OTOG: variants seen among roughly 807,000 people sequenced by gnomAD.
The protein encoded by OTOG is otogelin.
OTOG carries 296 observed loss-of-function variants against 313.8 expected under a neutral mutation model. That is an observed-to-expected ratio of 0.94 (90% CI 0.86 to 1.04). The LOEUF is 1.04. Ranked by LOEUF, OTOG falls within the 50% of genes least tolerant of loss-of-function variation. The probability of loss-of-function intolerance (pLI) is 0.00; values close to 1 mark genes in which losing one functional copy is unlikely to be tolerated. For synonymous variants in OTOG, 1,533 were observed against 1,554.9 expected (o/e 0.99, Z 0.33); for missense variants, 3,948 against 3,840.1 (o/e 1.03, Z -0.74).
intron 39 of OTOG, among the ~76,000 whole-genome samples, chr11:17,616,525 A>AT (rs2134104306): frequency 6.6e-6 from 1 of 152,060 alleles, no homozygotes; most frequent in African/African-American, 2.4e-5. Flanking sequence ...GTTCATCTCT[A>AT]TTTTTTTATG....
At chr11:17,555,964 A>G in intron 7 of OTOG, 67 bp downstream of exon 7, 2 of 1,257,940 alleles carry the variant, frequency 1.6e-6, no homozygotes, top group South Asian at 1.3e-5. Context: ...ATGGGTGAGC[A>G]TCCGCTCTTC....
In OTOG at chr11:17,640,781, A is replaced by G; in HGVS notation, c.7972A>G (p.Ser2658Gly). Residue 2658 changes from serine to glycine, a missense_variant, in exon 50 of 56, where the codon AGC becomes GGC. Ser to Gly is a moderately conservative substitution (Grantham distance 56, BLOSUM62 0). Coordinates refer to ENST00000399397, the MANE Select transcript of OTOG (RefSeq NM_001292063.2). ...CCAGCTGGATGAGGAGTTCATGCAC[A>G]GCGTGGAGAATGTGTGTGGCTGCGC... ...KSQLDEEFMH[S>G]VENVCGCAKY... is the part of the protein sequence containing the mutation. 1 of 1,550,276 alleles carries G rather than the reference A, an allele frequency of 6.5e-7. No individual in the cohort carries two copies. Among genetic ancestry groups the G allele is most frequent in the South Asian group, 1.2e-5 (1 of 84,068 alleles).
Position 17,605,937 on chromosome 11 carries a change from G to T in OTOG, c.3958G>T (p.Ala1320Ser), listed in dbSNP as rs1853373989. Residue 1320 changes from alanine (A) to serine (S), a missense_variant, in exon 33 of 56, where the codon GCT (alanine) becomes TCT (serine). Coordinates refer to ENST00000399397, the MANE Select transcript of OTOG (RefSeq NM_001292063.2). ...HVTANGSLEL[A>S]KWQGRDTFQQ... ...CACAGCCAACGGGTCTCTGGAGCTG[G>T]CTAAGTGGCAGGGCCGTGACACCTT... is the stretch of plus-strand genomic sequence containing the variant. 1 of 1,550,600 alleles carries T rather than the reference G, an allele frequency of 6.4e-7. No homozygotes were observed. The highest frequency in any genetic ancestry group is 1.2e-5 in the South Asian group (1 of 84,066).
At chr11:17,627,886 C>T (rs1854024716) in intron 39 of OTOG, among the ~76,000 whole-genome samples, 1 of 152,130 alleles carries the variant, frequency 6.6e-6, no homozygotes, top group Admixed American at 6.5e-5. Flanking sequence ...ATAGTAGCTG[C>T]TAATGATCCT....
At chr11:17,613,389 C>A (rs564453524) in intron 38 of OTOG, among the ~76,000 whole-genome samples, 17 of 133,058 alleles carry the variant, frequency 1.3e-4, no homozygotes, top group African/African-American at 4.6e-4. Flanking sequence ...TCCTTCCTTC[C>A]TTCCTTCCTT....
rs183152609 is a variant in OTOG, at chr11:17,635,042, G to C, written c.7586-38G>C. 3,292 of 1,539,300 alleles carry C rather than the reference G, an allele frequency of 2.1e-3. 4 individuals are homozygous for C. The highest frequency in any genetic ancestry group is 2.6e-3 in the Non-Finnish European group (2,945 of 1,138,782). On this transcript the variant is annotated intron_variant, in intron 45 of 55. Transcript: ENST00000399397. ...CAGGGGCCCAGGGGTGGCCAGGCAG[G>C]TTCCTCTCCCAGCACCTAAATTCAG...
intron 40 of OTOG, 96 bp from the exon 41 acceptor site, chr11:17,631,606 A>C (rs1854127671): frequency 2.0e-6 from 2 of 987,916 alleles, no homozygotes; most frequent in South Asian, 3.2e-5. Context: ...GGTATTATTG[A>C]CCTCAAAGAA....
At chr11:17,552,569 C>CCACCTGTCCTGTGTCCCT (rs1851963789) in intron 4 of OTOG, among the ~76,000 whole-genome samples, 3 of 96,116 alleles carry the variant, frequency 3.1e-5, no homozygotes, top group African/African-American at 6.9e-5. Context: ...CCTGTGTCCC[C>CCACCTGTCCTGTGTCCCT]CACCTGTCCT....
intron 39 of OTOG, among the ~76,000 whole-genome samples, chr11:17,622,713 A>G (rs11024346): frequency 0.3 from 45,924 of 152,180 alleles, 9,090 homozygotes; most frequent in African/African-American, 0.57. Flanking sequence ...ATAGTACTCC[A>G]TTGTGTATAA....
intron 3 of OTOG, 98 bp from the exon 4 acceptor site, chr11:17,551,902 G>A: frequency 9.4e-7 from 1 of 1,067,714 alleles, no homozygotes; most frequent in South Asian, 1.4e-5. Context: ...CCTCCCTCTG[G>A]GAGATGAACA....
At position 17,570,209 on chromosome 11, in the gene OTOG, C is replaced by T; in HGVS notation, c.1778-4C>T. The T allele has an allele frequency of 6.5e-7, 1 of 1,550,264 alleles. No individual in the cohort carries two copies. ...CACTCTCTCCTTTTGGATTCTGTGC[C>T]CAGATGCCTTTGAGATCCGTAGGCT... On this transcript the variant is annotated splice_polypyrimidine_tract_variant and splice_region_variant and intron_variant, in intron 16 of 55. Transcript: ENST00000399397.
At chr11:17,634,355 C>A in intron 44 of OTOG, 74 bp downstream of exon 44, 1 of 1,440,948 alleles carries the variant, frequency 6.9e-7, no homozygotes, top group South Asian at 1.3e-5. Context: ...CACACCAACC[C>A]TGATGGATAG....
Position 17,640,746 on chromosome 11 carries a change from G to A in OTOG, c.7937G>A (p.Trp2646Ter). The A allele has an allele frequency of 1.3e-6, 2 of 1,549,860 alleles. No individual in the cohort carries two copies. Among genetic ancestry groups the A allele is most frequent in the Non-Finnish European group, 1.7e-6 (2 of 1,146,988 alleles). The change falls in exon 50 of 56, where the codon TGG (tryptophan) becomes TAG (stop). Residue 2646 changes from tryptophan to a stop codon, truncating the protein, a stop_gained and splice_region_variant. Transcript: ENST00000399397. LOFTEE classifies it high-confidence loss of function. The stretch of plus-strand genomic sequence containing the variant: ...GCTGACTGCCTCTGCCCCACCCAGT[G>A]GGAGAAATCCCAGCTGGATGAGGAG... ...DTIPVPRCHL[W>*]EKSQLDEEFM...
Position 17,634,073 on chromosome 11 carries a change from C to G in OTOG, c.7272C>G (p.Cys2424Trp). 1 of 1,544,962 alleles carries G rather than the reference C, an allele frequency of 6.5e-7. No homozygotes were observed. Among genetic ancestry groups the G allele is most frequent in the Non-Finnish European group, 8.7e-7 (1 of 1,146,766 alleles). The change falls in exon 44 of 56, where the codon TGC (cysteine) becomes TGG (tryptophan). Residue 2424 changes from cysteine to tryptophan, a missense_variant. Transcript: ENST00000399397. ...ALCIPEAKCACTDSMGVPRAL... is the reference protein window; with the variant it reads ...ALCIPEAKCAWTDSMGVPRAL... ...CCCTGCCATTCCCCTCTGCAGCCTG[C>G]ACTGACAGCATGGGGGTGCCGAGGG...
At chr11:17,613,327 C>CCCTTCCTTCCCTCCTTCCTT (rs1853637953) in intron 38 of OTOG, among the ~76,000 whole-genome samples, 7 of 102,390 alleles carry the variant, frequency 6.8e-5, no homozygotes, top group African/African-American at 3.6e-4. Context: ...CTCTGCCCTG[C>CCCTTCCTTCCCTCCTTCCTT]CCTTCCTTCC....
chr11:17,551,075 A>G (rs1455570694), intron 3 of OTOG, among the ~76,000 whole-genome samples: 2 of 152,226 alleles, frequency 1.3e-5, no homozygotes, highest in South Asian at 2.1e-4. Flanking sequence ...TGTTGGCCCT[A>G]TGAACAAGCA....
chr11:17,550,791 G>A (rs568131522), intron 3 of OTOG, among the ~76,000 whole-genome samples: 67 of 152,330 alleles, frequency 4.4e-4, no homozygotes, highest in African/African-American at 1.4e-3. Context: ...GGGCTGGGTC[G>A]ACTGGGTAAG....
Position 17,569,172 on chromosome 11 carries a change from G to A in OTOG, c.1661G>A (p.Cys554Tyr). The A allele has an allele frequency of 6.4e-7, 1 of 1,550,696 alleles. No individual in the cohort carries two copies. Reference sequence around the variant, plus strand: ...TCTCTCCAGAACCAAGATGGAGCCTGTGTCCAGTCAGTGTCAGTGATTCTG... The same window carrying A: ...TCTCTCCAGAACCAAGATGGAGCCTATGTCCAGTCAGTGTCAGTGATTCTG... ...APCGLNQDGA[C>Y]VQSVSVILHQ... is the part of the protein sequence containing the mutation. Residue 554 changes from cysteine (C) to tyrosine (Y), a missense_variant, in exon 16 of 56, where the codon TGT becomes TAT. Cys to Tyr is a radical substitution (Grantham distance 194). Coordinates refer to ENST00000399397, the MANE Select transcript of OTOG (RefSeq NM_001292063.2).
At chr11:17,612,985 G>A (rs552214780) in intron 38 of OTOG, among the ~76,000 whole-genome samples, 28 of 152,306 alleles carry the variant, frequency 1.8e-4, no homozygotes, top group African/African-American at 6.7e-4. Context: ...GCCCCAGCCT[G>A]TCCCATTCCC....
Sources: gnomAD v4.1 joint callset for allele counts (sites outside exome capture counted in the v4.1 genomes callset) on GRCh38, gnomAD v4.1.1 for gene constraint, MANE v1.5 for transcripts, NCBI Gene and HGNC (gene_info 2026-07-23, HGNC 2026-07-21) for gene names.